The following EBF1 variants were observed in gnomAD, a reference collection of about 807,000 sequenced individuals.
EBF1 encodes transcription factor COE1.
Under a neutral mutation model 68.4 loss-of-function variants are expected in EBF1, and 10 were observed. That is an observed-to-expected ratio of 0.15 (90% CI 0.09 to 0.25). EBF1 has a LOEUF of 0.25. EBF1 is among the 10% of genes least tolerant of loss of function. The pLI is 1.00. For synonymous variants in EBF1, 298 were observed against 299.8 expected, an observed-to-expected ratio of 0.99 and a Z score of 0.06; for missense variants, 509 against 794.4, an observed-to-expected ratio of 0.64 and a Z score of 4.32.
At chr5:158,934,765 A>C (rs1811614953) in intron 6 of EBF1, among the ~76,000 whole-genome samples, 1 of 152,234 alleles carries the variant, frequency 6.6e-6, no homozygotes, top group African/African-American at 2.4e-5. Context: ...AACATATGTA[A>C]AACGTTTAGC....
At chr5:158,861,871 A>G (rs1399334023) in intron 6 of EBF1, among the ~76,000 whole-genome samples, 3 of 152,170 alleles carry the variant, frequency 2.0e-5, no homozygotes, top group African/African-American at 7.2e-5. Flanking sequence ...AAAATCCAAA[A>G]TTCATAGATA....
In EBF1 at chr5:159,064,689, A is replaced by C. The variant is rs78017574; in HGVS notation, c.554+8707T>G. 6.4e-4 allele frequency among the ~76,000 whole-genome samples: 98 copies of C among 152,288 alleles called. 1 individual carries two copies. In the East Asian group the frequency reaches 0.018, roughly 28 times the overall value. On this transcript the variant is annotated intron_variant, in intron 6 of 15. Coordinates refer to ENST00000313708, the MANE Select transcript of EBF1 (RefSeq NM_024007.5). The stretch of plus-strand genomic sequence containing the variant: ...CACTCCCATTTCTACAGCTACAGGA[A>C]GAACAACTCAGTGTTTAAAACCATA...
At chr5:158,787,701 G>C (rs775375711) in intron 9 of EBF1, among the ~76,000 whole-genome samples, 1 of 152,114 alleles carries the variant, frequency 6.6e-6, no homozygotes, top group African/African-American at 2.4e-5. Flanking sequence ...TTGGGGAAAG[G>C]GGGAGAGAGT....
chr5:159,041,793 C>A (rs1384969275), intron 6 of EBF1, among the ~76,000 whole-genome samples: 1 of 152,152 alleles, frequency 6.6e-6, no homozygotes, highest in African/African-American at 2.4e-5. Context: ...TTTAAAGACG[C>A]CTCCTAGAAG....
At chr5:158,969,197 G>C (rs1754798796) in intron 6 of EBF1, among the ~76,000 whole-genome samples, 1 of 152,084 alleles carries the variant, frequency 6.6e-6, no homozygotes, top group Non-Finnish European at 1.5e-5. Context: ...AGCTACACAG[G>C]AGGTTGAGGC....
intron 6 of EBF1, among the ~76,000 whole-genome samples, chr5:159,016,796 GC>G (rs1356241528): frequency 4.6e-5 from 7 of 152,120 alleles, no homozygotes; most frequent in Non-Finnish European, 1.0e-4. Flanking sequence ...CGGCTGGAGG[GC>G]CCCCCAAAAG....
intron 8 of EBF1, among the ~76,000 whole-genome samples, chr5:158,815,156 A>C (rs1783468307): frequency 6.6e-6 from 1 of 152,144 alleles, no homozygotes; most frequent in East Asian, 1.9e-4. Flanking sequence ...TCTACTACTT[A>C]ATTGCTGTGT....
At chr5:159,008,003 T>G (rs1763897853) in intron 6 of EBF1, among the ~76,000 whole-genome samples, 1 of 152,214 alleles carries the variant, frequency 6.6e-6, no homozygotes. Flanking sequence ...ATGATCCATT[T>G]AATCATGATG....
At chr5:159,006,570 A>G (rs995907777) in intron 6 of EBF1, among the ~76,000 whole-genome samples, 1 of 147,778 alleles carries the variant, frequency 6.8e-6, no homozygotes, top group Admixed American at 6.9e-5. Flanking sequence ...AATCCGTTTC[A>G]GGTAATCCCA....
intron 7 of EBF1, among the ~76,000 whole-genome samples, chr5:158,829,217 C>A (rs1032050628): frequency 6.6e-6 from 1 of 152,194 alleles, no homozygotes; most frequent in Non-Finnish European, 1.5e-5. Flanking sequence ...TGCTCTGTCA[C>A]CCAGACTGGA....
chr5:158,701,088 G>T (rs1367999230), intron 15 of EBF1, among the ~76,000 whole-genome samples: 1 of 152,164 alleles, frequency 6.6e-6, no homozygotes, highest in East Asian at 1.9e-4. Flanking sequence ...CCTCCCCAAG[G>T]ATCTTTTCAT....
intron 8 of EBF1, among the ~76,000 whole-genome samples, chr5:158,798,358 A>G (rs1436694017): frequency 6.6e-6 from 1 of 152,130 alleles, no homozygotes; most frequent in Non-Finnish European, 1.5e-5. Flanking sequence ...AGATCACAAA[A>G]TGGTCTTTGT....
chr5:158,900,352 T>A (rs1169021641), intron 6 of EBF1, among the ~76,000 whole-genome samples: 1 of 152,218 alleles, frequency 6.6e-6, no homozygotes, highest in Non-Finnish European at 1.5e-5. Flanking sequence ...TATCACTTTT[T>A]ACTACTTTTT....
rs1326475856 is a variant in EBF1, at chr5:159,099,256, G to A, written c.134+89C>T. On this transcript the variant is annotated intron_variant, in intron 1 of 15. Coordinates refer to ENST00000313708, the MANE Select transcript of EBF1 (RefSeq NM_024007.5). The stretch of plus-strand genomic sequence containing the variant: ...GACTCACCCCGCCGCCCGGCCCCGC[G>A]GCAGCAGCTGCCGCTGCCGCTGCCG... The A allele has an allele frequency of 1.6e-4, 168 of 1,049,598 alleles. 1 individual carries two copies. The Admixed American group carries it at 3.2e-3, about 20-fold the overall frequency. 65.0% of individuals were successfully genotyped at this position (1,049,598 alleles called of 1,614,324 possible). A position where few individuals can be genotyped will look rare whatever the true frequency, so the allele number is the denominator to read the frequency against.
At chr5:158,802,738 A>G (rs1780836176) in intron 8 of EBF1, among the ~76,000 whole-genome samples, 1 of 152,162 alleles carries the variant, frequency 6.6e-6, no homozygotes, top group African/African-American at 2.4e-5. Context: ...ACCTTCTTTA[A>G]GTTGTAGTTT....
At chr5:158,822,279 T>C (rs150475973) in intron 8 of EBF1, among the ~76,000 whole-genome samples, 2 of 78,074 alleles carry the variant, frequency 2.6e-5, no homozygotes, top group Non-Finnish European at 3.5e-5. Flanking sequence ...GATGGATGGA[T>C]GGATGGATGG....
At chr5:158,969,920 A>AG (rs770651883) in intron 6 of EBF1, among the ~76,000 whole-genome samples, 19 of 68,618 alleles carry the variant, frequency 2.8e-4, no homozygotes, top group South Asian at 1.3e-3. Flanking sequence ...AAGAAAGAAA[A>AG]AAAAAAAAAA....
chr5:158,928,533 C>T (rs1013894570), intron 6 of EBF1, among the ~76,000 whole-genome samples: 1 of 152,192 alleles, frequency 6.6e-6, no homozygotes, highest in African/African-American at 2.4e-5. Context: ...CACTGTCAGG[C>T]TTAGCAGCTG....
intron 6 of EBF1, among the ~76,000 whole-genome samples, chr5:159,071,958 C>A (rs1198259241): frequency 6.6e-6 from 1 of 152,054 alleles, no homozygotes; most frequent in African/African-American, 2.4e-5. Flanking sequence ...TTAAATAAAA[C>A]AAACCAGCAT....
Sources: gnomAD v4.1 joint callset for allele counts (sites outside exome capture counted in the v4.1 genomes callset) on GRCh38, gnomAD v4.1.1 for gene constraint, MANE v1.5 for transcripts, NCBI Gene and HGNC (gene_info 2026-07-23, HGNC 2026-07-21) for gene names.